The following RARB variants were observed in gnomAD, a reference collection of about 807,000 sequenced individuals.
RARB encodes the protein HBV-activated protein.
Under a neutral mutation model 51.9 loss-of-function variants are expected in RARB, and 17 were observed. The observed-to-expected ratio is 0.33, with a 90% CI of 0.22 to 0.49. RARB has a LOEUF of 0.49. Ranked by LOEUF, RARB falls within the 20% of genes least tolerant of loss-of-function variation. The pLI, the probability that RARB is intolerant of heterozygous loss-of-function variation, is 0.99. For missense variants in RARB, 369 were observed against 550.8 expected (o/e 0.67, Z 3.30); for synonymous variants, 215 against 195.4 (o/e 1.10, Z -0.84).
intron 1 of RARB, among the ~76,000 whole-genome samples, chr3:24,837,421 C>T (rs76636429): frequency 0.014 from 2,181 of 152,216 alleles, 83 homozygotes; most frequent in East Asian, 0.11. Flanking sequence ...ATGTGTTCTG[C>T]GTTTAATTTG....
rs150034671 is a variant in RARB, at chr3:25,489,228, G to C, written c.307-11954G>C. Among the ~76,000 whole-genome samples, 238 of 152,216 alleles carry C rather than the reference G, an allele frequency of 1.6e-3. 1 individual carries two copies. Among genetic ancestry groups the C allele is most frequent in the African/African-American group, 5.3e-3 (222 of 41,540 alleles). On this transcript the variant is annotated intron_variant, in intron 2 of 7. Transcript: ENST00000330688. ...GGGGACCTATTTAATTTCAAATCTT[G>C]GCACTGTGCTGACATAATATAGCTA...
chr3:25,090,697 C>T (rs774703772), intron 3 of RARB, among the ~76,000 whole-genome samples: 2 of 152,060 alleles, frequency 1.3e-5, no homozygotes, highest in Non-Finnish European at 2.9e-5. Flanking sequence ...GACAAAAATA[C>T]TCATGGTACT....
intron 3 of RARB, among the ~76,000 whole-genome samples, chr3:25,557,866 G>A (rs1419564935): frequency 6.6e-6 from 1 of 152,156 alleles, no homozygotes; most frequent in African/African-American, 2.4e-5. Flanking sequence ...CCTATTCCCT[G>A]CAGAGCTCCA....
intron 2 of RARB, among the ~76,000 whole-genome samples, chr3:24,944,193 G>A (rs1695727055): frequency 6.6e-6 from 1 of 152,132 alleles, no homozygotes; most frequent in Admixed American, 6.5e-5. Context: ...TTACATTCTT[G>A]TTTCTCTCAC....
intron 5 of RARB, among the ~76,000 whole-genome samples, chr3:25,585,793 T>C (rs1426613650): frequency 6.6e-6 from 1 of 152,150 alleles, no homozygotes; most frequent in Non-Finnish European, 1.5e-5. Flanking sequence ...CTGATTGTAT[T>C]TGTCAACACA....
At chr3:25,522,101 A>G (rs1698425954) in intron 3 of RARB, among the ~76,000 whole-genome samples, 1 of 152,032 alleles carries the variant, frequency 6.6e-6, no homozygotes, top group Non-Finnish European at 1.5e-5. Flanking sequence ...CAAAGAGGTT[A>G]ATTACCTCAC....
intron 2 of RARB, among the ~76,000 whole-genome samples, chr3:25,479,432 C>T (rs1696121419): frequency 6.6e-6 from 1 of 152,096 alleles, no homozygotes; most frequent in African/African-American, 2.4e-5. Flanking sequence ...TTCTTTTTTA[C>T]ATTTCAAATT....
At chr3:25,094,484 A>C (rs1699257368) in intron 3 of RARB, among the ~76,000 whole-genome samples, 1 of 152,124 alleles carries the variant, frequency 6.6e-6, no homozygotes, top group Non-Finnish European at 1.5e-5. Context: ...TGGGAGGCCA[A>C]GGTGGGTGGA....
chr3:25,321,849 A>G (rs1333176787), intron 5 of RARB, among the ~76,000 whole-genome samples: 3 of 151,658 alleles, frequency 2.0e-5, no homozygotes, highest in Non-Finnish European at 4.4e-5. Context: ...TATAATTTCA[A>G]TGTGATGTTC....
At chr3:24,938,613 A>G (rs151051861) in intron 2 of RARB, among the ~76,000 whole-genome samples, 13 of 152,314 alleles carry the variant, frequency 8.5e-5, no homozygotes, top group African/African-American at 2.9e-4. Flanking sequence ...TAAATGGACA[A>G]TTAAGTGGCA....
chr3:24,919,537 T>G (rs1695176715), intron 2 of RARB, among the ~76,000 whole-genome samples: 1 of 152,170 alleles, frequency 6.6e-6, no homozygotes. Context: ...CGTCACTTTC[T>G]TTTTCTGTCC....
intron 2 of RARB, among the ~76,000 whole-genome samples, chr3:25,047,516 T>C (rs149617151): frequency 9.8e-5 from 15 of 152,338 alleles, no homozygotes; most frequent in Non-Finnish European, 2.1e-4. Context: ...TTGGATGTCA[T>C]AGCAAATGTC....
At chr3:24,900,982 TA>T (rs763127332) in intron 2 of RARB, among the ~76,000 whole-genome samples, 21 of 152,214 alleles carry the variant, frequency 1.4e-4, no homozygotes, top group Non-Finnish European at 2.9e-4. Flanking sequence ...AGGTTTCCCA[TA>T]ACGCAACCAG....
At chr3:25,210,048 C>T (rs1387402080) in intron 5 of RARB, among the ~76,000 whole-genome samples, 1 of 152,202 alleles carries the variant, frequency 6.6e-6, no homozygotes, top group Non-Finnish European at 1.5e-5. Context: ...TTTTTACCAA[C>T]ACTTTTCTCC....
At chr3:25,339,108 A>T (rs1705147457) in intron 5 of RARB, among the ~76,000 whole-genome samples, 1 of 152,212 alleles carries the variant, frequency 6.6e-6, no homozygotes, top group Non-Finnish European at 1.5e-5. Flanking sequence ...AAGTCACATA[A>T]TCTGAAAATA....
chr3:24,994,015 A>G (rs1228501903), intron 2 of RARB, among the ~76,000 whole-genome samples: 1 of 152,186 alleles, frequency 6.6e-6, no homozygotes, highest in African/African-American at 2.4e-5. Flanking sequence ...CTTTGGATAA[A>G]TTCCCAGTAG....
At chr3:25,333,142 C>G (rs1704955978) in intron 5 of RARB, among the ~76,000 whole-genome samples, 1 of 152,122 alleles carries the variant, frequency 6.6e-6, no homozygotes, top group African/African-American at 2.4e-5. Flanking sequence ...CATCAAGCTA[C>G]CAATGACTTT....
intron 3 of RARB, among the ~76,000 whole-genome samples, chr3:25,130,334 T>G (rs992164569): frequency 1.3e-5 from 2 of 152,064 alleles, no homozygotes; most frequent in Admixed American, 1.3e-4. Flanking sequence ...ACATACAGCG[T>G]TCCCTGAATT....
intron 2 of RARB, among the ~76,000 whole-genome samples, chr3:24,960,952 T>C (rs1043461468): frequency 1.7e-4 from 26 of 152,166 alleles, no homozygotes; most frequent in African/African-American, 5.8e-4. Flanking sequence ...TGAGGGTAAC[T>C]AGTGGCGGGG....
Sources: gnomAD v4.1 joint callset for allele counts (sites outside exome capture counted in the v4.1 genomes callset) on GRCh38, gnomAD v4.1.1 for gene constraint, MANE v1.5 for transcripts, NCBI Gene and HGNC (gene_info 2026-07-23, HGNC 2026-07-21) for gene names.